The following MRGPRX2 variants were observed in gnomAD, a reference collection of about 807,000 sequenced individuals.
The protein encoded by MRGPRX2 is MAS related GPR family member X2.
For synonymous variants in MRGPRX2, 183 were observed against 175.6 expected, an observed-to-expected ratio of 1.04 and a Z score of -0.33; for missense variants, 389 against 404.5, an observed-to-expected ratio of 0.96 and a Z score of 0.33.
chr11:19,056,526 G>A, intron 1 of MRGPRX2, 99 bp from the exon 2 acceptor site: 1 of 1,189,546 alleles, frequency 8.4e-7, no homozygotes, highest in South Asian at 1.5e-5. Flanking sequence ...TACAGGAGAG[G>A]AAATCAGAGG....
At chr11:19,056,580 C>A (rs1175022455) in intron 1 of MRGPRX2, among the ~76,000 whole-genome samples, 153 bp from the exon 2 acceptor site, 1 of 152,160 alleles carries the variant, frequency 6.6e-6, no homozygotes, top group East Asian at 1.9e-4. Context: ...GGAGTCCTAG[C>A]ACCTGGATTC....
In MRGPRX2 at chr11:19,056,271, C is replaced by T; in HGVS notation, c.132G>A (p.Gly44=). The T allele has an allele frequency of 6.2e-7, 1 of 1,614,218 alleles. No individual in the cohort carries two copies. The highest frequency in any genetic ancestry group is 8.5e-7 in the Non-Finnish European group (1 of 1,180,048). The change falls in exon 2 of 2, where the codon GGG becomes GGA. Residue 44 remains glycine, a synonymous_variant. Coordinates refer to ENST00000329773, the MANE Select transcript of MRGPRX2 (RefSeq NM_054030.4). ...AGAGCACAAACCCGTTTCCTACCAG[C>T]CCGACCAGGGCAATGAAAAGGATCA... ...VFLILFIALV[G]LVGNGFVLWL...
chr11:19,059,416 A>T (rs1186189155), intron 1 of MRGPRX2, among the ~76,000 whole-genome samples: 1 of 152,218 alleles, frequency 6.6e-6, no homozygotes, highest in Non-Finnish European at 1.5e-5. Flanking sequence ...CTTTTTGATT[A>T]TCACTATAAT....
chr11:19,056,910 C>T (rs7104546), intron 1 of MRGPRX2, among the ~76,000 whole-genome samples: 45,372 of 152,010 alleles, frequency 0.3, 7,122 homozygotes, highest in African/African-American at 0.4. Flanking sequence ...GATTTAGGGT[C>T]ATAACGGAGA....
intron 1 of MRGPRX2, among the ~76,000 whole-genome samples, chr11:19,058,597 T>A (rs1226704483): frequency 2.0e-5 from 3 of 149,228 alleles, no homozygotes; most frequent in South Asian, 4.3e-4. Flanking sequence ...ATTTTTTGTA[T>A]TTTTTTTTTC....
rs774149579 is a variant in MRGPRX2 at position 19,056,041 on chromosome 11, C to A, written c.362G>T (p.Ser121Ile). The A allele has an allele frequency of 4.3e-6, 7 of 1,614,172 alleles. No individual in the cohort carries two copies. The South Asian group carries it at 6.6e-5, about 15-fold the overall frequency. ...CAYLAGLSML[S>I]TVSTERCLSV... ...CAGGCAGCGCTCGGTGCTGACGGTGCTCAGCATGCTCAGGCCTGCAAGGTA... is the reference window on the plus strand; with the variant it reads ...CAGGCAGCGCTCGGTGCTGACGGTGATCAGCATGCTCAGGCCTGCAAGGTA... Residue 121 changes from serine to isoleucine, a missense_variant, in exon 2 of 2, where the codon AGC (serine) becomes ATC (isoleucine). Physicochemically the swap from Ser to Ile is moderately radical, Grantham distance 142 (BLOSUM62 -2). Coordinates refer to ENST00000329773, the MANE Select transcript of MRGPRX2 (RefSeq NM_054030.4).
In MRGPRX2 at chr11:19,054,710, T is replaced by C. The variant is rs189581621; in HGVS notation, c.*700A>G. 1.3e-5 allele frequency: 2 copies of C among 152,204 alleles called. No individual in the cohort carries two copies. Among genetic ancestry groups the C allele is most frequent in the Non-Finnish European group, 2.9e-5 (2 of 68,038 alleles). 9.4% of individuals were successfully genotyped at this position (152,204 alleles called of 1,614,324 possible). On this transcript the variant is annotated 3_prime_UTR_variant, in exon 2 of 2. Transcript: ENST00000329773. ...GTAGCTGGGATTTTAAGGGATGGCATGTGAAAGGAAACCACAGGAAGACAG... is the reference window on the plus strand; with the variant it reads ...GTAGCTGGGATTTTAAGGGATGGCACGTGAAAGGAAACCACAGGAAGACAG...
intron 1 of MRGPRX2, 113 bp from the exon 2 acceptor site, chr11:19,056,540 G>A (rs1455339275): frequency 9.3e-7 from 1 of 1,076,104 alleles, no homozygotes; most frequent in Non-Finnish European, 1.4e-6. Flanking sequence ...TCAGAGGCTT[G>A]AAGAGATTAA....
chr11:19,056,342 C>A lies in MRGPRX2; in HGVS notation c.61G>T (p.Ala21Ser). 1 of 1,614,124 alleles carries A rather than the reference C, an allele frequency of 6.2e-7. No individual in the cohort carries two copies. The highest frequency in any genetic ancestry group is 8.5e-7 in the Non-Finnish European group (1 of 1,180,004). ...TCCTTGCCACAAAGCAGAAGAAGGG[C>A]TTGGTCATTTCCATTCACTGTTGTA... ...ESTTVNGNDQ[A>S]LLLLCGKETL... Residue 21 changes from alanine (A) to serine (S), a missense_variant, in exon 2 of 2, where the codon GCC becomes TCC. Physicochemically the swap from Ala to Ser is moderately conservative, Grantham distance 99. Transcript: ENST00000329773.
At position 19,056,196 on chromosome 11, in the gene MRGPRX2, G is replaced by A; in HGVS notation, c.207C>T (p.Leu69=). 1 of 1,614,180 alleles carries A rather than the reference G, an allele frequency of 6.2e-7. No homozygotes were observed. The change falls in exon 2 of 2, where the codon CTC becomes CTT. Residue 69 remains leucine, a synonymous_variant. Coordinates refer to ENST00000329773, the MANE Select transcript of MRGPRX2 (RefSeq NM_054030.4). ...MRRNAFSVYV[L]SLAGADFLFL... is the part of the protein sequence containing the mutation. ...AGAGGAAGTCGGCCCCGGCCAGGCT[G>A]AGGACGTAGACAGAGAAGGCGTTCC... is the stretch of plus-strand genomic sequence containing the variant.
At position 19,054,655 on chromosome 11, in the gene MRGPRX2, A is replaced by C. The variant is rs1849595479; in HGVS notation, c.*755T>G. On this transcript the variant is annotated 3_prime_UTR_variant, in exon 2 of 2. Transcript: ENST00000329773. ...GCCCCCAGAGAGGGAAGATTAGAAC[A>C]AAGGCAAAGGGGAAGGAATGGGAAG... 1 of 152,262 alleles carries C rather than the reference A, an allele frequency of 6.6e-6. No individual in the cohort carries two copies. Among genetic ancestry groups the C allele is most frequent in the Non-Finnish European group, 1.5e-5 (1 of 68,054 alleles). 9.4% of individuals were successfully genotyped at this position (152,262 alleles called of 1,614,324 possible). A position where few individuals can be genotyped will look rare whatever the true frequency, so the allele number is the denominator to read the frequency against.
At chr11:19,057,495 G>A (rs1382765619) in intron 1 of MRGPRX2, among the ~76,000 whole-genome samples, 2 of 152,178 alleles carry the variant, frequency 1.3e-5, no homozygotes, top group African/African-American at 2.4e-5. Context: ...AGTGTCTAGA[G>A]GTAACTAGAG....
chr11:19,056,216 C>T lies in MRGPRX2; in HGVS notation c.187G>A (p.Ala63Thr), dbSNP rs776168741. Residue 63 changes from alanine to threonine, a missense_variant, in exon 2 of 2, where the codon GCC becomes ACC. Coordinates refer to ENST00000329773, the MANE Select transcript of MRGPRX2 (RefSeq NM_054030.4). ...AGGCTGAGGACGTAGACAGAGAAGG[C>T]GTTCCTGCGCATGCGGAAGCCCAGG... The part of the protein sequence containing the change: ...WLLGFRMRRN[A>T]FSVYVLSLAG... 8.1e-6 allele frequency: 13 copies of T among 1,613,974 alleles called. No homozygotes were observed. The highest frequency in any genetic ancestry group is 2.2e-5 in the East Asian group (1 of 44,886).
intron 1 of MRGPRX2, among the ~76,000 whole-genome samples, chr11:19,058,423 ATT>A (rs35629793): frequency 2.8e-5 from 4 of 141,182 alleles, no homozygotes; most frequent in Admixed American, 7.0e-5. Context: ...TTGCACCTGT[ATT>A]TTTTTTTTTT....
intron 1 of MRGPRX2, among the ~76,000 whole-genome samples, chr11:19,058,222 A>C (rs771978493): frequency 6.6e-6 from 1 of 152,184 alleles, no homozygotes; most frequent in Non-Finnish European, 1.5e-5. Context: ...CATGGGTTGG[A>C]GGCCTCCAAG....
rs913324525 is a variant in MRGPRX2 at position 19,056,251 on chromosome 11, A to T, written c.152T>A (p.Val51Glu). Residue 51 changes from valine (V) to glutamate (E), a missense_variant, in exon 2 of 2, where the codon GTG (valine) becomes GAG (glutamate). By Grantham distance (121) the Val-to-Glu change is moderately radical. Coordinates refer to ENST00000329773, the MANE Select transcript of MRGPRX2 (RefSeq NM_054030.4). ...ALVGLVGNGF[V>E]LWLLGFRMRR... ...CATGCGGAAGCCCAGGAGCCAGAGC[A>T]CAAACCCGTTTCCTACCAGCCCGAC... 5.0e-6 allele frequency: 8 copies of T among 1,614,058 alleles called. No individual in the cohort carries two copies. In the African/African-American group the frequency reaches 1.1e-4, roughly 22 times the overall value.
intron 1 of MRGPRX2, among the ~76,000 whole-genome samples, chr11:19,056,897 T>C (rs7120681): frequency 0.3 from 45,382 of 151,898 alleles, 7,094 homozygotes; most frequent in African/African-American, 0.4. Context: ...GAATGGAGAT[T>C]GTGATTTAGG....
At chr11:19,060,521 C>T (rs915172762) in intron 1 of MRGPRX2, 98 bp downstream of exon 1, 3 of 152,022 alleles carry the variant, frequency 2.0e-5, no homozygotes, top group African/African-American at 7.2e-5. Context: ...CTCAAAGGAG[C>T]TTCCTGTCTT....
intron 1 of MRGPRX2, among the ~76,000 whole-genome samples, chr11:19,058,805 C>T (rs936821041): frequency 6.6e-6 from 1 of 152,076 alleles, no homozygotes; most frequent in Non-Finnish European, 1.5e-5. Context: ...TGTGGTTGTT[C>T]ACTATTATAT....
Sources: allele counts gnomAD v4.1 joint callset (sites outside exome capture counted in the v4.1 genomes callset), GRCh38; gene constraint gnomAD v4.1.1; transcripts MANE v1.5; gene names NCBI Gene and HGNC (gene_info 2026-07-23, HGNC 2026-07-21).